ADAM10: variants seen among roughly 807,000 people sequenced by gnomAD.
ADAM10 encodes the protein ADAM metallopeptidase domain 10.
Under a neutral mutation model 90.1 loss-of-function variants are expected in ADAM10, and 17 were observed. The observed-to-expected ratio is 0.19, with a 90% CI of 0.13 to 0.28. The LOEUF (loss-of-function observed/expected upper bound fraction) is 0.28, where lower values mean the gene tolerates loss of function less well. Among genes scored for constraint, ADAM10 ranks in the 10% least tolerant of loss-of-function variants. The pLI is 1.00. For synonymous variants in ADAM10, 310 were observed against 298.6 expected (o/e 1.04, Z -0.40); for missense variants, 610 against 914.3 (o/e 0.67, Z 4.29).
chr15:58,620,660 A>ATTTTTTTT (rs570842513), intron 11 of ADAM10, among the ~76,000 whole-genome samples: 1 of 59,442 alleles, frequency 1.7e-5, no homozygotes, highest in Non-Finnish European at 2.3e-5. Context: ...AAGAATATGT[A>ATTTTTTTT]TTTTTTTTTT....
chr15:58,633,455 T>G (rs1259484188), intron 8 of ADAM10, 96 bp from the exon 9 acceptor site: 2 of 1,107,500 alleles, frequency 1.8e-6, no homozygotes, highest in Non-Finnish European at 2.6e-6. Context: ...ATTTTATATT[T>G]TAATCTAAAA....
intron 9 of ADAM10, among the ~76,000 whole-genome samples, chr15:58,632,233 T>G (rs569262065): frequency 3.0e-4 from 45 of 152,336 alleles, no homozygotes; most frequent in African/African-American, 1.1e-3. Flanking sequence ...GACTGGATAT[T>G]AGATAATATC....
intron 9 of ADAM10, among the ~76,000 whole-genome samples, chr15:58,631,978 T>C (rs1896115588): frequency 6.6e-6 from 1 of 152,190 alleles, no homozygotes; most frequent in African/African-American, 2.4e-5. Context: ...TGGGAAAAAT[T>C]AGAGAAGTGC....
chr15:58,745,965 G>C (rs895578339), intron 1 of ADAM10, among the ~76,000 whole-genome samples: 2 of 152,142 alleles, frequency 1.3e-5, no homozygotes, highest in African/African-American at 4.8e-5. Flanking sequence ...TTAATCATTA[G>C]CTCAAACTTA....
At position 58,679,175 on chromosome 15, in the gene ADAM10, T is replaced by C. The variant is rs1430624753; in HGVS notation, c.433A>G (p.Lys145Glu). The stretch of plus-strand genomic sequence containing the variant: ...GAGTGAAATGGCAGAGTTCGGTCTT[T>C]AATATATCTCTCTGCTGGCTCAACA... ...FYVEPAERYI[K>E]DRTLPFHSVI... Residue 145 changes from lysine to glutamate, a missense_variant, in exon 4 of 16, where the codon AAA (lysine) becomes GAA (glutamate). By Grantham distance (56) the Lys-to-Glu change is moderately conservative (BLOSUM62 1). Transcript: ENST00000260408. 2 of 1,614,036 alleles carry C rather than the reference T, an allele frequency of 1.2e-6. No homozygotes were observed. Among genetic ancestry groups the C allele is most frequent in the Admixed American group, 3.3e-5 (2 of 60,030 alleles).
At chr15:58,669,028 C>A (rs2140734182) in intron 4 of ADAM10, among the ~76,000 whole-genome samples, 1 of 152,256 alleles carries the variant, frequency 6.6e-6, no homozygotes, top group South Asian at 2.1e-4. Context: ...AAATTAACAG[C>A]TGTGTACACA....
Position 58,595,221 on chromosome 15 carries a change from GTTTA to G in ADAM10, c.*2322_*2325del, listed in dbSNP as rs1236105556. The G allele has an allele frequency of 6.6e-6, 1 of 151,796 alleles. No individual in the cohort carries two copies. The highest frequency in any genetic ancestry group is 1.5e-5 in the Non-Finnish European group (1 of 67,922). The allele number at this position is 151,796 out of a possible 1,614,324, so 9.4% of individuals were successfully genotyped here. ...GAGATTAGTTGGGTGTTTTAAAAAG[GTTTA>G]TTGTGTGTACGCAGAGTATCTAACT... On this transcript the variant is annotated 3_prime_UTR_variant, in exon 16 of 16. Coordinates refer to ENST00000260408, the MANE Select transcript of ADAM10 (RefSeq NM_001110.4).
In ADAM10 at chr15:58,724,498, T is replaced by C. The variant is rs1265970310; in HGVS notation, c.56-6771A>G. Among the ~76,000 whole-genome samples the C allele has an allele frequency of 4.6e-5, 7 of 152,330 alleles. No homozygotes were observed. In the East Asian group the frequency reaches 1.4e-3, roughly 29 times the overall value. ...GAGATCTACTACAACTGGCCCAGCT[T>C]ACTGCCTGTAAGCAGTCTCCAGGCC... On this transcript the variant is annotated intron_variant, in intron 1 of 15. Transcript: ENST00000260408.
intron 9 of ADAM10, among the ~76,000 whole-genome samples, chr15:58,628,357 A>G (rs1896006410): frequency 6.6e-6 from 1 of 152,218 alleles, no homozygotes; most frequent in African/African-American, 2.4e-5. Context: ...TAAGACAGCT[A>G]ACTTAATAGC....
intron 14 of ADAM10, among the ~76,000 whole-genome samples, chr15:58,601,135 G>T (rs1470695351): frequency 6.6e-6 from 1 of 152,054 alleles, no homozygotes; most frequent in Non-Finnish European, 1.5e-5. Context: ...TTAAAGAAAA[G>T]TTGCAAGTAC....
Position 58,646,216 on chromosome 15 carries a change from A to G in ADAM10, c.586-12T>C. 6.2e-7 allele frequency: 1 copy of G among 1,610,452 alleles called. No individual in the cohort carries two copies. ...TCTTCTTGAGGTATCTATACATCAA[A>G]AAGTCATTTCTGACAATTAGTATGC... On this transcript the variant is annotated splice_polypyrimidine_tract_variant and intron_variant, in intron 5 of 15. Transcript: ENST00000260408.
intron 3 of ADAM10, among the ~76,000 whole-genome samples, chr15:58,679,502 T>C (rs1251115247): frequency 2.0e-5 from 3 of 152,174 alleles, no homozygotes; most frequent in Admixed American, 6.5e-5. Flanking sequence ...TTAGTTAAAA[T>C]ATATACAATT....
rs1894942460 is a variant in ADAM10 at position 58,596,058 on chromosome 15, G to GA, written c.*1488dup. 1 of 149,408 alleles carries GA rather than the reference G, an allele frequency of 6.7e-6. No homozygotes were observed. Among genetic ancestry groups the GA allele is most frequent in the Non-Finnish European group, 1.5e-5 (1 of 67,590 alleles). The allele number at this position is 149,408 out of a possible 1,614,324, so 9.3% of individuals were successfully genotyped here. On this transcript the variant is annotated 3_prime_UTR_variant, in exon 16 of 16. Coordinates refer to ENST00000260408, the MANE Select transcript of ADAM10 (RefSeq NM_001110.4). ...GCCTTGCTGGCTTGCGTCACATTAT[G>GA]AGAATGATTGTGTAAACCTTATACT...
chr15:58,635,691 C>G (rs957610202), intron 8 of ADAM10, among the ~76,000 whole-genome samples: 1 of 151,694 alleles, frequency 6.6e-6, no homozygotes, highest in Admixed American at 6.6e-5. Flanking sequence ...AAATTAATAT[C>G]CTGCCTTAGT....
At chr15:58,653,536 A>G (rs1896739082) in intron 5 of ADAM10, among the ~76,000 whole-genome samples, 1 of 152,182 alleles carries the variant, frequency 6.6e-6, no homozygotes, top group South Asian at 2.1e-4. Context: ...GCATACGTTG[A>G]ACCATTCTTG....
intron 5 of ADAM10, among the ~76,000 whole-genome samples, chr15:58,651,967 T>G (rs1415874606): frequency 6.6e-6 from 1 of 152,214 alleles, no homozygotes; most frequent in East Asian, 1.9e-4. Context: ...GGTATCTCAC[T>G]GTAATTTTTA....
At chr15:58,692,547 C>T (rs776483955) in intron 2 of ADAM10, 1 of 536,518 alleles carries the variant, frequency 1.9e-6, no homozygotes, top group Admixed American at 2.0e-5. Flanking sequence ...CTGGTTCCTT[C>T]TCCAAATAAA....
intron 10 of ADAM10, among the ~76,000 whole-genome samples, chr15:58,624,420 A>G (rs1327256279): frequency 6.6e-6 from 1 of 152,262 alleles, no homozygotes; most frequent in Non-Finnish European, 1.5e-5. Flanking sequence ...GAAAACAAAT[A>G]ACGAAGTCAG....
At chr15:58,691,283 C>T in intron 2 of ADAM10, 1 of 1,248,254 alleles carries the variant, frequency 8.0e-7, no homozygotes, top group Non-Finnish European at 1.2e-6. Flanking sequence ...CCAGACCCTC[C>T]TTGGTAACTG....
Sources: gnomAD v4.1 joint callset for allele counts (sites outside exome capture counted in the v4.1 genomes callset) on GRCh38, gnomAD v4.1.1 for gene constraint, MANE v1.5 for transcripts, NCBI Gene and HGNC (gene_info 2026-07-23, HGNC 2026-07-21) for gene names.